Variants in PCNX2 observed in about 807,000 individuals in gnomAD.
PCNX2 encodes the protein pecanex-like protein 2.
In PCNX2, 168 loss-of-function variants were observed where a neutral mutation model predicts 223.8. That is an observed-to-expected ratio of 0.75 (90% CI 0.66 to 0.85). The LOEUF is 0.85. Among genes scored for constraint, PCNX2 ranks in the 40% least tolerant of loss-of-function variants. The pLI is 0.00. For missense variants in PCNX2, 2,507 were observed against 2,675.5 expected, an observed-to-expected ratio of 0.94 and a Z score of 1.39; for synonymous variants, 1,006 against 1,052.6, an observed-to-expected ratio of 0.96 and a Z score of 0.86.
Position 233,095,755 on chromosome 1 carries a change from G to C in PCNX2, c.3946C>G (p.His1316Asp), listed in dbSNP as rs754079857. The C allele has an allele frequency of 2.5e-6, 4 of 1,595,850 alleles. No individual in the cohort carries two copies. Among genetic ancestry groups the C allele is most frequent in the Non-Finnish European group, 3.4e-6 (4 of 1,166,892 alleles). ...GTGAAAATAGAAGCAGAAAGGATAC[G>C]AGGAATGGCAAAGAGCTGAGCAAAC... ...HVFAQLFAIP[H>D]SAMLFFQTIA... The change falls in exon 22 of 34, where the codon CAT (histidine) becomes GAT (aspartate). Residue 1316 changes from histidine (H) to aspartate (D), a missense_variant and splice_region_variant. His to Asp is a moderately conservative substitution (Grantham distance 81). This residue lies in a region of PCNX2 where 1,372 missense variants were observed against 1,509.4 expected (regional missense o/e 0.91). Transcript: ENST00000258229.
chr1:232,986,640 C>T (rs939642892), intron 32 of PCNX2, 100 bp from the exon 33 acceptor site: 57 of 1,139,776 alleles, frequency 5.0e-5, no homozygotes, highest in Admixed American at 6.0e-5. Context: ...GCCCAAGGAC[C>T]CCTCCTCAGT....
At chr1:233,051,129 C>T (rs781399313) in intron 25 of PCNX2, among the ~76,000 whole-genome samples, 1 of 151,986 alleles carries the variant, frequency 6.6e-6, no homozygotes, top group Non-Finnish European at 1.5e-5. Flanking sequence ...AATGAGATAC[C>T]ACCTCACATG....
Position 233,141,773 on chromosome 1 carries a change from A to ATGTGTGTGTG in PCNX2, c.3518-1928_3518-1919dup, listed in dbSNP as rs34145635. 5.0e-4 allele frequency among the ~76,000 whole-genome samples: 73 copies of ATGTGTGTGTG among 146,284 alleles called. 1 individual carries two copies. Among genetic ancestry groups the ATGTGTGTGTG allele is most frequent in the African/African-American group, 1.8e-3 (68 of 38,854 alleles). On this transcript the variant is annotated intron_variant, in intron 19 of 33. Transcript: ENST00000258229. The stretch of plus-strand genomic sequence containing the variant: ...GGTATATATGTGTGTGTATATGTAT[A>ATGTGTGTGTG]TGTGTGTGTGTGTGTGTGTGTGTGT...
chr1:233,075,052 A>G (rs1011889711), intron 23 of PCNX2, among the ~76,000 whole-genome samples: 2 of 152,218 alleles, frequency 1.3e-5, no homozygotes, highest in Non-Finnish European at 2.9e-5. Flanking sequence ...AAAAAATACT[A>G]CATTATGAGA....
Position 233,126,517 on chromosome 1 carries a change from TTG to T in PCNX2, c.3837+8494_3837+8495del, listed in dbSNP as rs3033291. On this transcript the variant is annotated intron_variant, in intron 21 of 33. Coordinates refer to ENST00000258229, the MANE Select transcript of PCNX2 (RefSeq NM_014801.4). The surrounding 1 kb of genome is among the most constrained non-coding windows in gnomAD (Gnocchi z 4.8). ...AAATTTGTGTGGTGTGTGTGTGTGT[TTG>T]TGTGTGTGTGTGTGTGTGTAAATAT... Among the ~76,000 whole-genome samples the T allele has an allele frequency of 0.1, 15,378 of 147,736 alleles. 1,101 individuals carry two copies. Among genetic ancestry groups the T allele is most frequent in the East Asian group, 0.43 (2,130 of 5,000 alleles).
chr1:233,255,462 T>C (rs1220062180), intron 5 of PCNX2, among the ~76,000 whole-genome samples: 1 of 152,234 alleles, frequency 6.6e-6, no homozygotes, highest in Non-Finnish European at 1.5e-5. Flanking sequence ...TCCCTTGCTA[T>C]AAGCAAGCTC....
intron 32 of PCNX2, among the ~76,000 whole-genome samples, chr1:232,987,592 C>G (rs1669539073): frequency 6.6e-6 from 1 of 152,234 alleles, no homozygotes; most frequent in Non-Finnish European, 1.5e-5. Flanking sequence ...ACGTCCTATG[C>G]ATTGCCTTGT....
At chr1:233,264,123 G>C (rs1489939490) in intron 1 of PCNX2, among the ~76,000 whole-genome samples, 3 of 152,100 alleles carry the variant, frequency 2.0e-5, no homozygotes, top group African/African-American at 7.2e-5. Context: ...AAAACGAAAA[G>C]AATCACTGGG....
chr1:233,025,532 C>G (rs1671054536), intron 25 of PCNX2, 133 bp from the exon 26 acceptor site: 1 of 1,136,978 alleles, frequency 8.8e-7, no homozygotes, highest in African/African-American at 1.6e-5. Context: ...TTTGTTTGTC[C>G]TCAAATAAGT....
At chr1:233,220,681 C>A (rs1249804116) in intron 10 of PCNX2, among the ~76,000 whole-genome samples, 1 of 151,670 alleles carries the variant, frequency 6.6e-6, no homozygotes, top group Non-Finnish European at 1.5e-5. Context: ...GGATGACAAT[C>A]CTTCGTTTTT....
At chr1:233,309,543 A>AAT in the PCNX2 span, among the ~76,000 whole-genome samples, 50 of 146,704 alleles carry the variant, frequency 3.4e-4, no homozygotes, top group South Asian at 8.7e-4. Context: ...TCCCTCAAAA[A>AAT]AATAATAATA....
rs751809306 is a variant in PCNX2 at position 232,984,005 on chromosome 1, C to T, written c.*299G>A. 1.9e-5 allele frequency: 5 copies of T among 264,452 alleles called. No individual in the cohort carries two copies. Among genetic ancestry groups the T allele is most frequent in the South Asian group, 1.4e-4 (1 of 7,010 alleles). 16.4% of individuals were successfully genotyped at this position (264,452 alleles called of 1,614,324 possible). Reference sequence around the variant, plus strand: ...ATGTGTGGTGCTGTCCGCGGTGTGCCGCTCTGGGCAGCGCTGTGCCTGGCC... The same window carrying T: ...ATGTGTGGTGCTGTCCGCGGTGTGCTGCTCTGGGCAGCGCTGTGCCTGGCC... On this transcript the variant is annotated 3_prime_UTR_variant, in exon 34 of 34. Transcript: ENST00000258229.
chr1:233,045,852 C>T (rs1671806256), intron 25 of PCNX2, among the ~76,000 whole-genome samples: 1 of 152,228 alleles, frequency 6.6e-6, no homozygotes, highest in Non-Finnish European at 1.5e-5. Flanking sequence ...CTGGATTCAA[C>T]AGCCAAGAAG....
chr1:232,999,502 GGA>G, intron 30 of PCNX2, 123 bp from the exon 31 acceptor site: 2 of 1,136,068 alleles, frequency 1.8e-6, no homozygotes, highest in Non-Finnish European at 2.4e-6. Flanking sequence ...TGCCCAGGCT[GGA>G]GTGCAATGGT....
At chr1:233,074,693 A>G (rs1003116171) in intron 23 of PCNX2, among the ~76,000 whole-genome samples, 1 of 152,020 alleles carries the variant, frequency 6.6e-6, no homozygotes, top group African/African-American at 2.4e-5. Flanking sequence ...GAGTACAACT[A>G]TCTGAAATAG....
At chr1:233,134,465 T>C (rs1316153261) in intron 21 of PCNX2, among the ~76,000 whole-genome samples, 2 of 152,144 alleles carry the variant, frequency 1.3e-5, no homozygotes, top group African/African-American at 4.8e-5. Flanking sequence ...TCAGACAAAC[T>C]AAGCGTATTG....
intron 8 of PCNX2, among the ~76,000 whole-genome samples, chr1:233,245,378 T>C (rs900854799): frequency 3.9e-5 from 6 of 152,216 alleles, no homozygotes; most frequent in Non-Finnish European, 7.3e-5. Flanking sequence ...AGATTGTAAC[T>C]TGAGCTTTCA....
At chr1:233,307,291 C>T in the PCNX2 span, among the ~76,000 whole-genome samples, 69 of 152,272 alleles carry the variant, frequency 4.5e-4, no homozygotes, top group African/African-American at 1.5e-3. Flanking sequence ...AAGGCAGATC[C>T]CTCATGAATG....
At chr1:233,106,438 T>G (rs144802321) in intron 21 of PCNX2, among the ~76,000 whole-genome samples, 2,525 of 149,374 alleles carry the variant, frequency 0.017, 30 homozygotes, top group East Asian at 0.044. Context: ...CTGCAACCTC[T>G]GCCTCCCACG....
Sources: allele counts gnomAD v4.1 joint callset (sites outside exome capture counted in the v4.1 genomes callset), GRCh38; gene constraint gnomAD v4.1.1; regional missense constraint gnomAD v4.1.1; non-coding constraint Gnocchi (gnomAD v3.1); transcripts MANE v1.5; gene names NCBI Gene and HGNC (gene_info 2026-07-23, HGNC 2026-07-21).